Variants in LSAMP observed in about 807,000 individuals in gnomAD.
The protein encoded by LSAMP is limbic system associated membrane protein.
A neutral mutation model predicts 38.6 loss-of-function variants in LSAMP; 7 were observed. The ratio of observed to expected loss-of-function variants is 0.18; its 90% CI spans 0.10 to 0.34. The LOEUF (loss-of-function observed/expected upper bound fraction) is 0.34, where lower values mean the gene tolerates loss of function less well. Among genes scored for constraint, LSAMP ranks in the 10% least tolerant of loss-of-function variants. The probability of loss-of-function intolerance (pLI) is 1.00; values close to 1 mark genes in which losing one functional copy is unlikely to be tolerated. For synonymous variants in LSAMP, 154 were observed against 166.8 expected (o/e 0.92, Z 0.59); for missense variants, 313 against 420.0 (o/e 0.75, Z 2.23).
intron 3 of LSAMP, among the ~76,000 whole-genome samples, chr3:115,906,403 T>TGAATCAGATATTGTCTGGGTGTAG (rs1937009175): frequency 6.6e-6 from 1 of 152,176 alleles, no homozygotes. Flanking sequence ...ATGACTTAAA[T>TGAATCAGATATTGTCTGGGTGTAG]GAATCAGATA....
At chr3:116,178,826 A>G (rs1457484291) in intron 1 of LSAMP, among the ~76,000 whole-genome samples, 3 of 152,160 alleles carry the variant, frequency 2.0e-5, no homozygotes, top group Admixed American at 2.0e-4. Flanking sequence ...ACAAAACTGG[A>G]AGTTCTATCT....
chr3:115,989,411 G>A (rs1342200432), intron 3 of LSAMP, among the ~76,000 whole-genome samples: 1 of 152,078 alleles, frequency 6.6e-6, no homozygotes, highest in Non-Finnish European at 1.5e-5. Context: ...ATATTGCAAT[G>A]AAGCTTGTTA....
At chr3:116,174,978 A>G (rs1354290138) in intron 1 of LSAMP, among the ~76,000 whole-genome samples, 1 of 152,010 alleles carries the variant, frequency 6.6e-6, no homozygotes, top group Non-Finnish European at 1.5e-5. Context: ...CGACTTCTCC[A>G]CTATCCACCT....
At chr3:116,039,866 C>CT (rs1174017764) in intron 2 of LSAMP, among the ~76,000 whole-genome samples, 1 of 152,130 alleles carries the variant, frequency 6.6e-6, no homozygotes, top group East Asian at 1.9e-4. Flanking sequence ...TTTTCAATGA[C>CT]CAGCTTGTCT....
chr3:115,957,157 C>T (rs928341146), intron 3 of LSAMP, among the ~76,000 whole-genome samples: 5 of 152,192 alleles, frequency 3.3e-5, no homozygotes, highest in Admixed American at 2.6e-4. Context: ...CCATGATAGG[C>T]ATGAGAATCC....
At chr3:116,067,299 A>G (rs1459108591) in intron 2 of LSAMP, among the ~76,000 whole-genome samples, 1 of 152,180 alleles carries the variant, frequency 6.6e-6, no homozygotes, top group East Asian at 1.9e-4. Context: ...TGATGAAGAG[A>G]GAGATGAACA....
At chr3:116,136,239 A>G (rs1043555241) in intron 1 of LSAMP, among the ~76,000 whole-genome samples, 2 of 152,158 alleles carry the variant, frequency 1.3e-5, no homozygotes, top group East Asian at 1.9e-4. Context: ...TTACAAAGGT[A>G]TTCATTCAGT....
intron 1 of LSAMP, among the ~76,000 whole-genome samples, chr3:116,220,677 T>G (rs189213880): frequency 2.1e-3 from 316 of 152,282 alleles, no homozygotes; most frequent in Middle Eastern, 3.4e-3. Flanking sequence ...TTAAGAGTTT[T>G]AGGATCAAAC....
At chr3:116,324,316 T>A (rs1189197961) in intron 1 of LSAMP, among the ~76,000 whole-genome samples, 4 of 152,166 alleles carry the variant, frequency 2.6e-5, no homozygotes, top group Non-Finnish European at 4.4e-5. Context: ...CTCTGTATAT[T>A]AGCTGAATGT....
intron 1 of LSAMP, among the ~76,000 whole-genome samples, chr3:116,262,965 T>TA (rs1308730340): frequency 1.3e-5 from 2 of 152,142 alleles, no homozygotes; most frequent in East Asian, 1.9e-4. Flanking sequence ...AGAAGAAGGT[T>TA]AAAAAATCTT....
At chr3:116,304,255 T>TA (rs900147119) in intron 1 of LSAMP, among the ~76,000 whole-genome samples, 3 of 151,970 alleles carry the variant, frequency 2.0e-5, no homozygotes, top group East Asian at 1.9e-4. Flanking sequence ...CTTATAATCA[T>TA]AAAAAAATGA....
At chr3:116,389,648 T>C (rs2107810709) in intron 1 of LSAMP, among the ~76,000 whole-genome samples, 1 of 152,136 alleles carries the variant, frequency 6.6e-6, no homozygotes, top group East Asian at 1.9e-4. Context: ...AACCCTTCCC[T>C]GGATATAAAT....
rs142660278 is a variant in LSAMP at position 115,898,637 on chromosome 3, C to T, written c.515-46020G>A. 5.5e-4 allele frequency among the ~76,000 whole-genome samples: 82 copies of T among 149,140 alleles called. 2 individuals are homozygous for T. The East Asian group carries it at 0.011, about 21-fold the overall frequency. ...TATATATATATATGCACCCAAAAGA[C>T]ATTTCTTTGATCTTAACAAGATACA... On this transcript the variant is annotated intron_variant, in intron 3 of 6. Transcript: ENST00000490035.
chr3:116,025,829 A>T (rs894537970), intron 2 of LSAMP, among the ~76,000 whole-genome samples: 14 of 152,212 alleles, frequency 9.2e-5, no homozygotes, highest in Admixed American at 7.9e-4. Context: ...AAATATTTTT[A>T]AAATATATCA....
intron 3 of LSAMP, among the ~76,000 whole-genome samples, chr3:115,932,460 A>G (rs1937595427): frequency 6.6e-6 from 1 of 152,244 alleles, no homozygotes. Flanking sequence ...CATTCCAGGT[A>G]GTGGAAAAAA....
At chr3:116,134,825 C>T (rs1245008791) in intron 1 of LSAMP, among the ~76,000 whole-genome samples, 1 of 152,146 alleles carries the variant, frequency 6.6e-6, no homozygotes, top group Non-Finnish European at 1.5e-5. Context: ...TTCCCTCTAT[C>T]CCCAGTGTCT....
intron 2 of LSAMP, among the ~76,000 whole-genome samples, chr3:116,047,127 T>A (rs1361291176): frequency 6.6e-6 from 1 of 152,188 alleles, no homozygotes; most frequent in Non-Finnish European, 1.5e-5. Flanking sequence ...AATAATCTGA[T>A]GCCCTCAAGA....
intron 3 of LSAMP, among the ~76,000 whole-genome samples, chr3:115,874,897 T>A (rs1345825331): frequency 2.0e-5 from 3 of 151,520 alleles, no homozygotes; most frequent in Non-Finnish European, 4.4e-5. Flanking sequence ...TTTCAGCACA[T>A]AGAAGGTACT....
chr3:116,194,519 C>T (rs554402982), intron 1 of LSAMP, among the ~76,000 whole-genome samples: 2 of 152,222 alleles, frequency 1.3e-5, no homozygotes, highest in East Asian at 1.9e-4. Flanking sequence ...CTCAGCCTCC[C>T]GAGTAGCTGG....
Sources: allele counts gnomAD v4.1 joint callset (sites outside exome capture counted in the v4.1 genomes callset), GRCh38; gene constraint gnomAD v4.1.1; transcripts MANE v1.5; gene names NCBI Gene and HGNC (gene_info 2026-07-23, HGNC 2026-07-21).